NAALADL2: variants seen among roughly 807,000 people sequenced by gnomAD.
NAALADL2 encodes the protein N-acetylated alpha-linked acidic dipeptidase like 2.
Under a neutral mutation model 87.2 loss-of-function variants are expected in NAALADL2, and 76 were observed. That is an observed-to-expected ratio of 0.87 (90% CI 0.72 to 1.05). The LOEUF (loss-of-function observed/expected upper bound fraction) is 1.05. Among genes scored for constraint, NAALADL2 ranks in the 50% least tolerant of loss-of-function variants. NAALADL2 has a pLI of 0.00. For missense variants in NAALADL2, 1,089 were observed against 945.8 expected (o/e 1.15, Z -1.99); for synonymous variants, 354 against 331.0 (o/e 1.07, Z -0.75).
At chr3:175,770,041 T>C (rs1188564949) in intron 13 of NAALADL2, among the ~76,000 whole-genome samples, 1 of 152,066 alleles carries the variant, frequency 6.6e-6, no homozygotes, top group Non-Finnish European at 1.5e-5. Flanking sequence ...TCAAGGACAA[T>C]TTCCTTTAAA....
intron 1 of NAALADL2, among the ~76,000 whole-genome samples, chr3:174,925,120 G>C (rs1378794035): frequency 6.6e-6 from 1 of 152,088 alleles, no homozygotes; most frequent in East Asian, 1.9e-4. Flanking sequence ...ATTGCTCTTG[G>C]TGTTTTAGAC....
chr3:174,756,327 T>C (rs897170638), intron 3 of NAALADL2, among the ~76,000 whole-genome samples: 1 of 152,244 alleles, frequency 6.6e-6, no homozygotes, highest in African/African-American at 2.4e-5. Context: ...TGCTCTCAAA[T>C]GTGCTTTTTC....
intron 13 of NAALADL2, among the ~76,000 whole-genome samples, chr3:175,756,055 A>T (rs1215958882): frequency 6.6e-6 from 1 of 152,116 alleles, no homozygotes; most frequent in Non-Finnish European, 1.5e-5. Context: ...AGAAAACATG[A>T]AGTTTAAAAG....
At chr3:175,465,473 C>CTTTTTTTTT (rs71164634) in intron 7 of NAALADL2, among the ~76,000 whole-genome samples, 17 of 106,736 alleles carry the variant, frequency 1.6e-4, no homozygotes, top group East Asian at 9.8e-4. Flanking sequence ...TGAATTAAAT[C>CTTTTTTTTT]TTTTTTTTTT....
intron 9 of NAALADL2, among the ~76,000 whole-genome samples, chr3:175,574,501 T>C (rs2149551615): frequency 6.6e-6 from 1 of 152,278 alleles, no homozygotes; most frequent in African/African-American, 2.4e-5. Flanking sequence ...AAACGAGAAC[T>C]CTGTGTCAAA....
intron 11 of NAALADL2, among the ~76,000 whole-genome samples, chr3:175,691,779 C>T (rs1357616778): frequency 6.6e-6 from 1 of 152,036 alleles, no homozygotes; most frequent in African/African-American, 2.4e-5. Context: ...CAGTGGTTTG[C>T]ATTTTTATAA....
chr3:174,659,671 G>A (rs1725324298), intron 2 of NAALADL2, among the ~76,000 whole-genome samples: 1 of 152,190 alleles, frequency 6.6e-6, no homozygotes, highest in Non-Finnish European at 1.5e-5. Context: ...GGAGGCATAA[G>A]CCAGTGTGGA....
At chr3:174,959,323 C>G (rs1224091582) in intron 1 of NAALADL2, among the ~76,000 whole-genome samples, 2 of 151,938 alleles carry the variant, frequency 1.3e-5, no homozygotes, top group Non-Finnish European at 2.9e-5. Context: ...TTGTTCATAC[C>G]TTAAAATCAA....
intron 13 of NAALADL2, among the ~76,000 whole-genome samples, chr3:175,781,855 T>TC (rs982667692): frequency 1.7e-4 from 16 of 93,260 alleles, no homozygotes; most frequent in African/African-American, 4.3e-4. Flanking sequence ...ATGCTATCCC[T>TC]CCCCCCCACC....
intron 9 of NAALADL2, among the ~76,000 whole-genome samples, chr3:175,559,369 A>G (rs1479569142): frequency 6.6e-6 from 1 of 152,064 alleles, no homozygotes; most frequent in Non-Finnish European, 1.5e-5. Flanking sequence ...TAAATATATG[A>G]TCATGTCATC....
chr3:175,326,842 T>G (rs1472563803), intron 5 of NAALADL2, among the ~76,000 whole-genome samples: 1 of 152,190 alleles, frequency 6.6e-6, no homozygotes, highest in Non-Finnish European at 1.5e-5. Flanking sequence ...TCCAATCGCC[T>G]CTTAAAGGTG....
chr3:174,744,813 A>G (rs1734095266), intron 3 of NAALADL2, among the ~76,000 whole-genome samples: 1 of 152,188 alleles, frequency 6.6e-6, no homozygotes, highest in Non-Finnish European at 1.5e-5. Flanking sequence ...CCAGACAACT[A>G]TATGGAAATT....
intron 1 of NAALADL2, among the ~76,000 whole-genome samples, chr3:174,456,146 C>G (rs1364668720): frequency 6.6e-6 from 1 of 152,048 alleles, no homozygotes; most frequent in Non-Finnish European, 1.5e-5. Context: ...AGGAATACAG[C>G]TAACCAGGGA....
At chr3:175,227,301 C>T (rs995520227) in intron 2 of NAALADL2, among the ~76,000 whole-genome samples, 49 of 152,020 alleles carry the variant, frequency 3.2e-4, no homozygotes, top group African/African-American at 1.1e-3. Context: ...AGAATTTTGT[C>T]TACTAAAGCC....
intron 1 of NAALADL2, among the ~76,000 whole-genome samples, chr3:175,052,003 G>A (rs1226418571): frequency 6.6e-6 from 1 of 152,140 alleles, no homozygotes; most frequent in Non-Finnish European, 1.5e-5. Flanking sequence ...GGAAGTCAGG[G>A]GTCTCGCAAC....
intron 1 of NAALADL2, among the ~76,000 whole-genome samples, chr3:174,936,778 G>C (rs1194315303): frequency 2.0e-5 from 3 of 152,080 alleles, no homozygotes. Context: ...GCCTGTTCTT[G>C]TAAATAAATT....
chr3:175,314,666 C>CTATA (rs60572633), intron 4 of NAALADL2, among the ~76,000 whole-genome samples: 2 of 30,766 alleles, frequency 6.5e-5, no homozygotes, highest in Non-Finnish European at 1.2e-4. Context: ...ATAGTTCTAA[C>CTATA]TATATATATA....
At chr3:174,858,042 G>A (rs1179159981), upstream of NAALADL2, among the ~76,000 whole-genome samples, 3 of 150,704 alleles carry the variant, frequency 2.0e-5, no homozygotes, top group Admixed American at 6.6e-5. Flanking sequence ...AAAGAAAGGA[G>A]CTTGAGCTTC....
chr3:174,880,962 A>T (rs575727019), intron 1 of NAALADL2, among the ~76,000 whole-genome samples: 1 of 152,096 alleles, frequency 6.6e-6, no homozygotes, highest in Non-Finnish European at 1.5e-5. Flanking sequence ...GAAGAACTCT[A>T]ATATCTGCCA....
Sources: allele counts gnomAD v4.1 joint callset (sites outside exome capture counted in the v4.1 genomes callset), GRCh38; gene constraint gnomAD v4.1.1; transcripts MANE v1.5; gene names NCBI Gene and HGNC (gene_info 2026-07-23, HGNC 2026-07-21).